INSC: variants seen among roughly 807,000 people sequenced by gnomAD.
The protein encoded by INSC is protein inscuteable homolog.
Under a neutral mutation model 58.6 loss-of-function variants are expected in INSC, and 67 were observed. The ratio of observed to expected loss-of-function variants is 1.14; its 90% CI spans 0.94 to 1.40. INSC has a LOEUF of 1.40. Ranked by LOEUF, INSC falls within the 40% of genes most tolerant of loss-of-function variation. INSC has a pLI of 0.00. For missense variants in INSC, 714 were observed against 692.0 expected (o/e 1.03, Z -0.36); for synonymous variants, 262 against 276.1 (o/e 0.95, Z 0.51).
At chr11:15,255,600 A>T in the INSC span, among the ~76,000 whole-genome samples, 1 of 152,158 alleles carries the variant, frequency 6.6e-6, no homozygotes, top group Admixed American at 6.6e-5. Context: ...CTTTGTAGAG[A>T]TCTATTTATT....
rs1309148936 is a variant in INSC at position 15,246,707 on chromosome 11, CA to C, written c.*670del. The C allele has an allele frequency of 6.6e-6, 1 of 152,218 alleles. No individual in the cohort carries two copies. Among genetic ancestry groups the C allele is most frequent in the Admixed American group, 6.6e-5 (1 of 15,266 alleles). The allele number at this position is 152,218 out of a possible 1,614,324, so 9.4% of individuals were successfully genotyped here. On this transcript the variant is annotated 3_prime_UTR_variant, in exon 13 of 13. Transcript: ENST00000379556. ...CCAAAGTGACTTTCAAAAATACACC[CA>C]AAGGCACCAGAAACCCTGCTTCCTT... is the stretch of plus-strand genomic sequence containing the variant.
intron 2 of INSC, among the ~76,000 whole-genome samples, chr11:15,169,235 C>T (rs1849307769): frequency 6.6e-6 from 1 of 152,128 alleles, no homozygotes; most frequent in African/African-American, 2.4e-5. Flanking sequence ...CACAGGTCCA[C>T]GAGGCTCACC....
intron 2 of INSC, among the ~76,000 whole-genome samples, chr11:15,173,123 G>A (rs1849456862): frequency 6.6e-6 from 1 of 152,192 alleles, no homozygotes; most frequent in South Asian, 2.1e-4. Context: ...GAATGCCCAG[G>A]AATGGGAAAA....
At chr11:15,198,837 T>TG (rs1460162332) in intron 6 of INSC, among the ~76,000 whole-genome samples, 6 of 152,074 alleles carry the variant, frequency 3.9e-5, no homozygotes, top group Non-Finnish European at 8.8e-5. Flanking sequence ...TTCAAGCAGA[T>TG]GTCCCAGGAA....
chr11:15,266,903 G>GGGCT, the INSC span, among the ~76,000 whole-genome samples: 2 of 151,930 alleles, frequency 1.3e-5, no homozygotes, highest in Non-Finnish European at 2.9e-5. Context: ...CAGAGATGAT[G>GGGCT]GGCTATATGC....
At chr11:15,121,942 A>C (rs1847883820) in intron 1 of INSC, among the ~76,000 whole-genome samples, 1 of 152,182 alleles carries the variant, frequency 6.6e-6, no homozygotes, top group Non-Finnish European at 1.5e-5. Context: ...TATTTACTAT[A>C]GCAAGAAGTT....
At chr11:15,222,602 C>G (rs1851487462) in intron 8 of INSC, among the ~76,000 whole-genome samples, 2 of 152,174 alleles carry the variant, frequency 1.3e-5, no homozygotes, top group South Asian at 4.1e-4. Context: ...TCACTTCTTA[C>G]CATGTCACAT....
At chr11:15,202,903 G>T (rs1441985431) in intron 7 of INSC, among the ~76,000 whole-genome samples, 1 of 152,244 alleles carries the variant, frequency 6.6e-6, no homozygotes, top group Non-Finnish European at 1.5e-5. Context: ...GTCTTTCGCA[G>T]TATAGACGGC....
intron 1 of INSC, among the ~76,000 whole-genome samples, chr11:15,142,522 A>G (rs924396817): frequency 5.3e-5 from 8 of 151,966 alleles, no homozygotes; most frequent in African/African-American, 1.9e-4. Flanking sequence ...CCTTCTCACC[A>G]CCTTCCATTC....
chr11:15,157,442 C>T (rs1050680799), intron 2 of INSC, among the ~76,000 whole-genome samples: 5 of 152,196 alleles, frequency 3.3e-5, no homozygotes, highest in Non-Finnish European at 7.3e-5. Flanking sequence ...GGAAGGATTT[C>T]ATGCATGGTG....
intron 1 of INSC, among the ~76,000 whole-genome samples, chr11:15,135,577 C>T (rs965045281): frequency 5.3e-5 from 8 of 152,172 alleles, no homozygotes; most frequent in Non-Finnish European, 4.4e-5. Context: ...ACCCTTGTGG[C>T]CGAGCCAAGG....
At chr11:15,257,330 T>C in the INSC span, among the ~76,000 whole-genome samples, 806 of 152,244 alleles carry the variant, frequency 5.3e-3, 9 homozygotes, top group African/African-American at 0.017. Flanking sequence ...TATAAATAAA[T>C]TTGAAAAGTT....
chr11:15,180,686 G>GT (rs779831186), intron 5 of INSC, among the ~76,000 whole-genome samples: 4 of 91,076 alleles, frequency 4.4e-5, no homozygotes, highest in Non-Finnish European at 6.3e-5. Flanking sequence ...TAGGAGTGAG[G>GT]GGGGGGGCGG....
chr11:15,190,911 G>A, intron 6 of INSC, 97 bp downstream of exon 6: 1 of 794,284 alleles, frequency 1.3e-6, no homozygotes, highest in East Asian at 2.5e-5. Flanking sequence ...GGTCTGTCTT[G>A]GCCCCTGCAT....
chr11:15,143,728 G>A (rs1484881427), intron 1 of INSC, among the ~76,000 whole-genome samples: 1 of 152,256 alleles, frequency 6.6e-6, no homozygotes, highest in Non-Finnish European at 1.5e-5. Flanking sequence ...AGTGAGAGAT[G>A]CCAATGCCTT....
intron 5 of INSC, among the ~76,000 whole-genome samples, chr11:15,190,448 G>A (rs1357162877): frequency 6.6e-6 from 1 of 152,200 alleles, no homozygotes; most frequent in African/African-American, 2.4e-5. Context: ...AGGGACTAGG[G>A]CAAGGCTAGT....
chr11:15,154,652 A>G (rs1013446170), intron 2 of INSC, among the ~76,000 whole-genome samples: 1 of 152,212 alleles, frequency 6.6e-6, no homozygotes, highest in Non-Finnish European at 1.5e-5. Context: ...CCAGACTTCC[A>G]CTGATATTCT....
At chr11:15,132,932 C>T (rs1756026453) in intron 1 of INSC, among the ~76,000 whole-genome samples, 2 of 151,984 alleles carry the variant, frequency 1.3e-5, no homozygotes, top group African/African-American at 4.8e-5. Flanking sequence ...AATCTTTTGT[C>T]TTTGGTGCTC....
the INSC span, among the ~76,000 whole-genome samples, chr11:15,261,787 T>G: frequency 6.6e-6 from 1 of 152,072 alleles, no homozygotes; most frequent in African/African-American, 2.4e-5. Context: ...GGGGTAGAGC[T>G]CTCAGAAAAG....
Sources: gnomAD v4.1 joint callset for allele counts (sites outside exome capture counted in the v4.1 genomes callset) on GRCh38, gnomAD v4.1.1 for gene constraint, MANE v1.5 for transcripts, NCBI Gene and HGNC (gene_info 2026-07-23, HGNC 2026-07-21) for gene names.